The following CEACAM18 variants were observed in gnomAD, a reference collection of about 807,000 sequenced individuals.
CEACAM18 encodes the protein CEA cell adhesion molecule 18.
A neutral mutation model predicts 34.3 loss-of-function variants in CEACAM18; 33 were observed. The ratio of observed to expected loss-of-function variants is 0.96; its 90% confidence interval spans 0.73 to 1.29. CEACAM18 has a LOEUF of 1.29. Among genes scored for constraint, CEACAM18 ranks in the 50% most tolerant of loss-of-function variants. CEACAM18 has a pLI of 0.00. For synonymous variants in CEACAM18, 169 were observed against 180.9 expected, an observed-to-expected ratio of 0.93 and a Z score of 0.53; for missense variants, 474 against 485.0, an observed-to-expected ratio of 0.98 and a Z score of 0.21.
chr19:51,483,933 C>A (rs1989960468), intron 4 of CEACAM18, among the ~76,000 whole-genome samples: 1 of 152,168 alleles, frequency 6.6e-6, no homozygotes, highest in Admixed American at 6.5e-5. Flanking sequence ...GACTGATGTG[C>A]TCAGGGAGAC....
At chr19:51,478,799 T>A in intron 1 of CEACAM18, 105 bp downstream of exon 1, 1 of 771,200 alleles carries the variant, frequency 1.3e-6, no homozygotes, top group Non-Finnish European at 1.8e-6. Context: ...CACGGGCACA[T>A]CAAGAAACTC....
intron 2 of CEACAM18, 57 bp from the exon 3 acceptor site, chr19:51,481,336 A>G: frequency 9.4e-7 from 1 of 1,068,064 alleles, no homozygotes; most frequent in Non-Finnish European, 1.3e-6. Flanking sequence ...GGAGAGGAGC[A>G]GAGCTTGGGG....
chr19:51,485,087 C>A, exon 5 of CEACAM18: 1 of 1,533,366 alleles, frequency 6.5e-7, no homozygotes, highest in Non-Finnish European at 8.7e-7. Context: ...TCTGTGGAGT[C>A]CTGATCCATG....
chr19:51,488,786 C>T (rs183087346), intron 5 of CEACAM18, among the ~76,000 whole-genome samples: 1 of 152,318 alleles, frequency 6.6e-6, no homozygotes, highest in Admixed American at 6.5e-5. Context: ...AATCCCTCCT[C>T]ATTCCCCTAA....
intron 5 of CEACAM18, among the ~76,000 whole-genome samples, chr19:51,488,743 T>C (rs1039050642): frequency 6.6e-6 from 1 of 152,008 alleles, no homozygotes; most frequent in Non-Finnish European, 1.5e-5. Flanking sequence ...GAGTTTGGAG[T>C]GGGGCAGGGA....
intron 5 of CEACAM18, among the ~76,000 whole-genome samples, chr19:51,489,224 CATTT>C (rs1460864425): frequency 3.3e-5 from 5 of 149,848 alleles, no homozygotes; most frequent in South Asian, 2.2e-4. Flanking sequence ...GTGACTCATT[CATTT>C]GTCTCTCATT....
At chr19:51,489,695 A>G (rs1990058630) in intron 5 of CEACAM18, among the ~76,000 whole-genome samples, 1 of 152,184 alleles carries the variant, frequency 6.6e-6, no homozygotes, top group South Asian at 2.1e-4. Context: ...TTTACTTGCC[A>G]TGTGTAAAAT....
chr19:51,478,953 T>TGCACACACAC (rs1357508233), intron 1 of CEACAM18, among the ~76,000 whole-genome samples: 1 of 106,932 alleles, frequency 9.4e-6, no homozygotes, highest in Non-Finnish European at 2.0e-5. Flanking sequence ...CACACGCACA[T>TGCACACACAC]GCACACACAC....
chr19:51,489,100 A>G (rs759920757), intron 5 of CEACAM18, among the ~76,000 whole-genome samples: 14 of 150,254 alleles, frequency 9.3e-5, no homozygotes, highest in South Asian at 2.2e-4. Context: ...GTTCAAAGTC[A>G]TTGATGGAGA....
chr19:51,490,038 C>T (rs964012715), intron 5 of CEACAM18, among the ~76,000 whole-genome samples: 7 of 152,086 alleles, frequency 4.6e-5, no homozygotes, highest in East Asian at 1.9e-4. Flanking sequence ...GCCTCCCCTC[C>T]GATATGAGAG....
chr19:51,481,424 T>G, exon 3 of CEACAM18: 1 of 1,613,998 alleles, frequency 6.2e-7, no homozygotes, highest in South Asian at 1.1e-5. Context: ...TCTCCGTCAA[T>G]GCCAGCTCCC....
chr19:51,485,056 C>G (rs956661402), exon 5 of CEACAM18: 1 of 1,535,946 alleles, frequency 6.5e-7, no homozygotes. Flanking sequence ...ATCATGCTGA[C>G]AGTGCTGGGT....
At chr19:51,489,220 C>G (rs1204207556) in intron 5 of CEACAM18, among the ~76,000 whole-genome samples, 1 of 149,894 alleles carries the variant, frequency 6.7e-6, no homozygotes, top group Non-Finnish European at 1.5e-5. Flanking sequence ...CTCAGTGACT[C>G]ATTCATTTGT....
chr19:51,486,696 C>CT (rs1468224657), intron 5 of CEACAM18, among the ~76,000 whole-genome samples: 2 of 149,784 alleles, frequency 1.3e-5, no homozygotes, highest in Non-Finnish European at 3.0e-5. Flanking sequence ...TTTCTTTTTT[C>CT]TTTTTCTTTC....
At position 51,490,535 on chromosome 19, in the gene CEACAM18, C is replaced by T. The variant is rs938848627; in HGVS notation, c.1090-52C>T. ...CACCTCTCTCTATCCAGGACTCTCCCATGTTTCTTAGGGACCTGAGATGTG... is the reference window on the plus strand; with the variant it reads ...CACCTCTCTCTATCCAGGACTCTCCTATGTTTCTTAGGGACCTGAGATGTG... On this transcript the variant is annotated intron_variant, in intron 5 of 5. Transcript: ENST00000396477. 2.2e-4 allele frequency: 270 copies of T among 1,230,262 alleles called. No homozygotes were observed. In the East Asian group the frequency reaches 8.2e-3, roughly 37 times the overall value. The allele number at this position is 1,230,262 out of a possible 1,614,324, so 76.2% of individuals were successfully genotyped here. A position where few individuals can be genotyped will look rare whatever the true frequency, so the allele number is the denominator to read the frequency against.
At chr19:51,482,960 AGACGG>A in intron 3 of CEACAM18, 52 bp from the exon 4 acceptor site, 1 of 1,582,940 alleles carries the variant, frequency 6.3e-7, no homozygotes, top group Non-Finnish European at 8.6e-7. Flanking sequence ...GGACTTCATG[AGACGG>A]GACGCCGAGG....
At chr19:51,490,512 C>T (rs1990073010) in intron 5 of CEACAM18, 75 bp from the exon 6 acceptor site, 1 of 1,207,524 alleles carries the variant, frequency 8.3e-7, no homozygotes, top group East Asian at 3.2e-5. Context: ...GGCCCCTTCA[C>T]CTCTCTCTAT....
chr19:51,479,277 C>T lies in CEACAM18; in HGVS notation c.52+583C>T, dbSNP rs1989867000. On this transcript the variant is annotated intron_variant, in intron 1 of 5. Coordinates refer to ENST00000396477, the Ensembl canonical transcript of CEACAM18. ...GCATCTCTGCCTCCTCCACATAGCC[C>T]AGGCTTGGGGTTCACAGGGCAGTGG... Among the ~76,000 whole-genome samples the T allele has an allele frequency of 1.3e-5, 2 of 152,258 alleles. 1 individual carries two copies. The highest frequency in any genetic ancestry group is 4.1e-4 in the South Asian group (2 of 4,828).
intron 4 of CEACAM18, among the ~76,000 whole-genome samples, chr19:51,484,153 G>C (rs927324131): frequency 3.3e-5 from 5 of 152,192 alleles, no homozygotes; most frequent in Non-Finnish European, 7.3e-5. Context: ...AGAAAGTACA[G>C]AAGACATTAC....
Sources: gnomAD v4.1 joint callset for allele counts (sites outside exome capture counted in the v4.1 genomes callset) on GRCh38, gnomAD v4.1.1 for gene constraint, MANE v1.5 for transcripts, NCBI Gene and HGNC (gene_info 2026-07-23, HGNC 2026-07-21) for gene names.